RGS6: variants seen among roughly 807,000 people sequenced by gnomAD.
RGS6 encodes regulator of G protein signaling 6.
In RGS6, 30 loss-of-function variants were observed where a neutral mutation model predicts 78.5. The observed-to-expected ratio is 0.38, with a 90% confidence interval of 0.29 to 0.52. The LOEUF (loss-of-function observed/expected upper bound fraction) is 0.52, where lower values mean the gene tolerates loss of function less well. Among genes scored for constraint, RGS6 ranks in the 20% least tolerant of loss-of-function variants. RGS6 has a pLI of 0.85. For missense variants in RGS6, 495 were observed against 609.7 expected (o/e 0.81, Z 1.98); for synonymous variants, 206 against 206.0 (o/e 1.00, Z 0.00).
At chr14:72,322,118 AAAAAT>A (rs2072249266) in intron 2 of RGS6, among the ~76,000 whole-genome samples, 1 of 152,062 alleles carries the variant, frequency 6.6e-6, no homozygotes, top group Non-Finnish European at 1.5e-5. Flanking sequence ...TTAATGAACA[AAAAAT>A]AAAGGAAATC....
rs79772864 is a variant in RGS6 at position 72,348,460 on chromosome 14, A to G, written c.85-3635A>G. Among the ~76,000 whole-genome samples, 407 of 152,342 alleles carry G rather than the reference A, an allele frequency of 2.7e-3. 14 individuals are homozygous for G. The East Asian group carries it at 0.07, about 26-fold the overall frequency. ...TCTGAAAATACTTATAATGATTTTG[A>G]TCAGTTCCTGAGAGCCCACTTGTAA... On this transcript the variant is annotated intron_variant, in intron 2 of 17. Transcript: ENST00000553525.
intron 2 of RGS6, among the ~76,000 whole-genome samples, chr14:72,188,525 G>GA (rs374965666): frequency 6.6e-6 from 1 of 151,946 alleles, no homozygotes; most frequent in Non-Finnish European, 1.5e-5. Context: ...TACGGGAGAA[G>GA]AAAAAATTAC....
At chr14:72,247,165 T>G (rs2054442084) in intron 2 of RGS6, among the ~76,000 whole-genome samples, 1 of 152,220 alleles carries the variant, frequency 6.6e-6, no homozygotes, top group Non-Finnish European at 1.5e-5. Flanking sequence ...TTCTAACACA[T>G]TGTAGTTTTC....
chr14:72,105,161 T>G (rs539991737), intron 2 of RGS6, among the ~76,000 whole-genome samples: 45 of 152,322 alleles, frequency 3.0e-4, no homozygotes, highest in African/African-American at 1.1e-3. Context: ...GAATGATGAT[T>G]GTACAAAGAC....
At chr14:72,159,236 A>G (rs535126943) in intron 2 of RGS6, among the ~76,000 whole-genome samples, 23 of 152,348 alleles carry the variant, frequency 1.5e-4, no homozygotes, top group African/African-American at 5.3e-4. Flanking sequence ...ATCTCAGGGC[A>G]TATGGCAGTG....
the RGS6 span, among the ~76,000 whole-genome samples, chr14:72,602,283 G>A: frequency 3.4e-4 from 52 of 152,278 alleles, no homozygotes; most frequent in African/African-American, 1.2e-3. Context: ...TCAAGTTTTT[G>A]TTGCCATATC....
chr14:72,475,635 A>G (rs182547088), intron 10 of RGS6, among the ~76,000 whole-genome samples: 85 of 152,258 alleles, frequency 5.6e-4, no homozygotes, highest in Non-Finnish European at 9.3e-4. Context: ...AGGCTGAGGC[A>G]GGAGAATCGC....
chr14:72,313,676 C>G (rs74618638), intron 2 of RGS6, among the ~76,000 whole-genome samples: 17 of 152,250 alleles, frequency 1.1e-4, no homozygotes, highest in Non-Finnish European at 2.1e-4. Context: ...CAAGTTCTTT[C>G]AAAGATAACC....
At chr14:72,455,491 A>G (rs772415867) in intron 4 of RGS6, among the ~76,000 whole-genome samples, 2 of 152,156 alleles carry the variant, frequency 1.3e-5, no homozygotes, top group Admixed American at 1.3e-4. Context: ...TTTTAACCCA[A>G]CATTTCTAAT....
At chr14:72,388,434 C>A (rs2088950763) in intron 3 of RGS6, among the ~76,000 whole-genome samples, 1 of 152,184 alleles carries the variant, frequency 6.6e-6, no homozygotes, top group Non-Finnish European at 1.5e-5. Context: ...ATAACTAATA[C>A]AGCCATCATA....
chr14:71,882,135 C>A, the RGS6 span, among the ~76,000 whole-genome samples: 1 of 152,194 alleles, frequency 6.6e-6, no homozygotes, highest in African/African-American at 2.4e-5. Context: ...AACCACTCTT[C>A]TATTTTCTGT....
At chr14:72,540,524 G>T in intron 17 of RGS6, 1 of 1,569,920 alleles carries the variant, frequency 6.4e-7, no homozygotes, top group Non-Finnish European at 8.6e-7. Context: ...TTCCCTCTGT[G>T]AACCCTGGCA....
the RGS6 span, among the ~76,000 whole-genome samples, chr14:72,580,316 C>T: frequency 8.0e-5 from 11 of 137,346 alleles, 3 homozygotes; most frequent in South Asian, 4.6e-4. Context: ...GTCCCCCCCA[C>T]CCCGACCCCA....
At chr14:72,606,918 G>C in the RGS6 span, among the ~76,000 whole-genome samples, 2 of 152,226 alleles carry the variant, frequency 1.3e-5, no homozygotes, top group African/African-American at 2.4e-5. Context: ...CTCCTCAATT[G>C]AAAGCTTCCT....
chr14:72,005,496 A>G (rs2084375772), intron 2 of RGS6, among the ~76,000 whole-genome samples: 2 of 95,064 alleles, frequency 2.1e-5, no homozygotes, highest in Admixed American at 2.3e-4. Context: ...GCAACCTAAA[A>G]TGAAACAGCC....
intron 2 of RGS6, among the ~76,000 whole-genome samples, chr14:71,978,639 T>C (rs1254977103): frequency 6.8e-6 from 1 of 146,260 alleles, no homozygotes; most frequent in Non-Finnish European, 1.5e-5. Flanking sequence ...GATAAGCTTT[T>C]TGATGTGCTG....
At chr14:72,554,421 CAT>C (rs1350322402) in intron 17 of RGS6, among the ~76,000 whole-genome samples, 1 of 152,230 alleles carries the variant, frequency 6.6e-6, no homozygotes, top group East Asian at 1.9e-4. Flanking sequence ...CTCCCGTAGT[CAT>C]AGTCAAGGGT....
chr14:71,945,560 C>T (rs1038736911), intron 1 of RGS6, among the ~76,000 whole-genome samples: 5 of 152,302 alleles, frequency 3.3e-5, no homozygotes, highest in African/African-American at 9.6e-5. Flanking sequence ...AAAGTTTTTA[C>T]TCCCAGAAAT....
chr14:72,307,294 G>A (rs2067478631), intron 2 of RGS6, among the ~76,000 whole-genome samples: 1 of 151,576 alleles, frequency 6.6e-6, no homozygotes, highest in South Asian at 2.1e-4. Flanking sequence ...AAATTCATGT[G>A]ACTTGCTTTA....
Sources: allele counts gnomAD v4.1 joint callset (sites outside exome capture counted in the v4.1 genomes callset), GRCh38; gene constraint gnomAD v4.1.1; transcripts MANE v1.5; gene names NCBI Gene and HGNC (gene_info 2026-07-23, HGNC 2026-07-21).